Variants in CARMIL1 observed in about 807,000 individuals in gnomAD.
CARMIL1 encodes the protein capping protein regulator and myosin 1 linker 1, also known as F-actin-uncapping protein LRRC16A.
CARMIL1 carries 90 observed loss-of-function variants against 177.1 expected under a neutral mutation model. The observed-to-expected ratio is 0.51, with a 90% confidence interval of 0.43 to 0.61. CARMIL1 has a LOEUF of 0.61. Among genes scored for constraint, CARMIL1 ranks in the 20% least tolerant of loss-of-function variants. The pLI is 0.00. For synonymous variants in CARMIL1, 577 were observed against 606.2 expected, an observed-to-expected ratio of 0.95 and a Z score of 0.71; for missense variants, 1,380 against 1,667.0, an observed-to-expected ratio of 0.83 and a Z score of 3.00.
intron 2 of CARMIL1, among the ~76,000 whole-genome samples, chr6:25,288,551 G>A (rs1185195945): frequency 7.0e-6 from 1 of 143,712 alleles, no homozygotes; most frequent in Non-Finnish European, 1.5e-5. Flanking sequence ...TGGTTGCTTT[G>A]CATATCAAGT....
intron 11 of CARMIL1, 65 bp from the exon 12 acceptor site, chr6:25,482,192 A>T: frequency 2.7e-6 from 2 of 752,260 alleles, no homozygotes; most frequent in Middle Eastern, 2.4e-4. Flanking sequence ...GTTAATTTTC[A>T]TCCATTGTAA....
intron 2 of CARMIL1, among the ~76,000 whole-genome samples, chr6:25,365,897 G>A (rs146133582): frequency 2.6e-5 from 4 of 152,236 alleles, no homozygotes; most frequent in Non-Finnish European, 5.9e-5. Flanking sequence ...AATGTATGTG[G>A]GATGTAGTAT....
intron 27 of CARMIL1, among the ~76,000 whole-genome samples, chr6:25,552,041 TTTTG>T (rs112076265): frequency 0.14 from 21,497 of 151,922 alleles, 1,624 homozygotes; most frequent in Middle Eastern, 0.19. Flanking sequence ...CTCAGGTCTT[TTTTG>T]TTTGTTTGTT....
chr6:25,428,379 C>T (rs892536280), intron 4 of CARMIL1, among the ~76,000 whole-genome samples: 4 of 152,174 alleles, frequency 2.6e-5, no homozygotes, highest in Non-Finnish European at 5.9e-5. Flanking sequence ...AATCCCGTCT[C>T]CTTGCTACTA....
At chr6:25,318,203 G>A (rs1390520467) in intron 2 of CARMIL1, among the ~76,000 whole-genome samples, 1 of 152,100 alleles carries the variant, frequency 6.6e-6, no homozygotes, top group African/African-American at 2.4e-5. Context: ...GCGCACAGTG[G>A]GTTGGAAGGG....
At chr6:25,490,136 C>G (rs745671083) in intron 13 of CARMIL1, among the ~76,000 whole-genome samples, 1 of 152,050 alleles carries the variant, frequency 6.6e-6, no homozygotes, top group African/African-American at 2.4e-5. Context: ...GTTCCAGGAG[C>G]CTGGCGGCAG....
At chr6:25,598,759 G>A (rs932118845) in intron 32 of CARMIL1, among the ~76,000 whole-genome samples, 1 of 152,182 alleles carries the variant, frequency 6.6e-6, no homozygotes, top group Non-Finnish European at 1.5e-5. Context: ...GGGCACCGAA[G>A]AGCTTCTTGG....
chr6:25,441,337 A>ATATATATGTGTGTGTG lies in CARMIL1; in HGVS notation c.371+5734_371+5735insATATATGTGTGTGTGT. ...CAAACAAACATATATATATATATAT[A>ATATATATGTGTGTGTG]TGTGTGTGTGTGTGTGTGTGTGTGT... On this transcript the variant is annotated intron_variant, in intron 5 of 36. Transcript: ENST00000329474. 5.7e-3 allele frequency among the ~76,000 whole-genome samples: 539 copies of ATATATATGTGTGTGTG among 94,476 alleles called. 7 individuals carry two copies. Among genetic ancestry groups the ATATATATGTGTGTGTG allele is most frequent in the African/African-American group, 0.015 (343 of 22,824 alleles). The allele number at this position is 94,476 out of a possible 152,430, so 62.0% of individuals were successfully genotyped here.
intron 23 of CARMIL1, among the ~76,000 whole-genome samples, chr6:25,527,274 G>A (rs996153942): frequency 3.8e-4 from 58 of 152,158 alleles, no homozygotes; most frequent in Non-Finnish European, 1.0e-4. Flanking sequence ...TGGTGGTGGT[G>A]TATACAGGCC....
At chr6:25,297,001 C>G (rs1184835027) in intron 2 of CARMIL1, among the ~76,000 whole-genome samples, 1 of 152,136 alleles carries the variant, frequency 6.6e-6, no homozygotes, top group Non-Finnish European at 1.5e-5. Context: ...CTTTGTTGCT[C>G]AGGCTGGTCT....
At chr6:25,465,984 T>G in intron 9 of CARMIL1, 36 bp downstream of exon 9, 1 of 1,492,908 alleles carries the variant, frequency 6.7e-7, no homozygotes, top group South Asian at 1.1e-5. Flanking sequence ...GTTGCTTGGC[T>G]TTGCTGAATT....
intron 23 of CARMIL1, among the ~76,000 whole-genome samples, chr6:25,528,268 T>C (rs1200108977): frequency 6.6e-6 from 1 of 152,218 alleles, no homozygotes; most frequent in Non-Finnish European, 1.5e-5. Flanking sequence ...ATCTTTGAGT[T>C]GTACCAGCCT....
chr6:25,617,204 C>T (rs1759346282), intron 36 of CARMIL1, among the ~76,000 whole-genome samples: 2 of 152,160 alleles, frequency 1.3e-5, no homozygotes, highest in South Asian at 4.1e-4. Context: ...TGAAGGACAA[C>T]CTACTTTTTG....
At chr6:25,539,148 T>C (rs974054597) in intron 25 of CARMIL1, among the ~76,000 whole-genome samples, 2 of 151,950 alleles carry the variant, frequency 1.3e-5, no homozygotes, top group Non-Finnish European at 2.9e-5. Context: ...TTTAGCAAAT[T>C]ATGGAACCTG....
At chr6:25,421,368 GA>G (rs1412116340) in intron 3 of CARMIL1, among the ~76,000 whole-genome samples, 3 of 152,086 alleles carry the variant, frequency 2.0e-5, no homozygotes, top group Non-Finnish European at 2.9e-5. Context: ...AAAAAGTCAG[GA>G]AACAACAGGT....
chr6:25,349,651 G>T (rs184372607), intron 2 of CARMIL1, among the ~76,000 whole-genome samples: 300 of 152,088 alleles, frequency 2.0e-3, no homozygotes, highest in African/African-American at 6.9e-3. Context: ...TGATCACATG[G>T]CCCTGAGGCG....
At chr6:25,454,720 C>T (rs1460441887) in intron 8 of CARMIL1, among the ~76,000 whole-genome samples, 1 of 152,036 alleles carries the variant, frequency 6.6e-6, no homozygotes, top group African/African-American at 2.4e-5. Context: ...TGTTCTCAGT[C>T]CTTTTAGATG....
At chr6:25,370,627 A>G (rs1214143636) in intron 2 of CARMIL1, among the ~76,000 whole-genome samples, 1 of 152,180 alleles carries the variant, frequency 6.6e-6, no homozygotes, top group Non-Finnish European at 1.5e-5. Flanking sequence ...ATAGAGTAGC[A>G]CTATGGGGTT....
chr6:25,514,801 G>T (rs1398510866), intron 20 of CARMIL1, among the ~76,000 whole-genome samples: 1 of 152,068 alleles, frequency 6.6e-6, no homozygotes, highest in Non-Finnish European at 1.5e-5. Context: ...GTACGCACCT[G>T]TAGTTCCAGC....
Sources: allele counts gnomAD v4.1 joint callset (sites outside exome capture counted in the v4.1 genomes callset), GRCh38; gene constraint gnomAD v4.1.1; transcripts MANE v1.5; gene names NCBI Gene and HGNC (gene_info 2026-07-23, HGNC 2026-07-21).